The following COL26A1 variants were observed in gnomAD, a reference collection of about 807,000 sequenced individuals.
COL26A1 encodes collagen type XXVI alpha 1 chain.
COL26A1 carries 41 observed loss-of-function variants against 59.3 expected under a neutral mutation model. That is an observed-to-expected ratio of 0.69 (90% confidence interval 0.54 to 0.90). COL26A1 has a LOEUF of 0.90. Among genes scored for constraint, COL26A1 ranks in the 40% least tolerant of loss-of-function variants. The pLI is 0.00. For synonymous variants in COL26A1, 266 were observed against 256.0 expected (o/e 1.04, Z -0.37); for missense variants, 612 against 602.3 (o/e 1.02, Z -0.17).
intron 3 of COL26A1, among the ~76,000 whole-genome samples, chr7:101,487,739 G>C (rs757227152): frequency 6.6e-6 from 1 of 152,120 alleles, no homozygotes; most frequent in African/African-American, 2.4e-5. Context: ...CACCCTGCCC[G>C]TAAGATAAGC....
chr7:101,520,106 C>A (rs1368839017), intron 3 of COL26A1, among the ~76,000 whole-genome samples: 1 of 152,156 alleles, frequency 6.6e-6, no homozygotes, highest in Non-Finnish European at 1.5e-5. Context: ...TATCTTTAGT[C>A]CCAGCTGTTT....
intron 2 of COL26A1, among the ~76,000 whole-genome samples, chr7:101,439,421 G>T (rs183401752): frequency 2.0e-5 from 3 of 152,122 alleles, no homozygotes; most frequent in Non-Finnish European, 4.4e-5. Context: ...AGGAGTGGTG[G>T]TGCGCACCTG....
At chr7:101,485,458 C>T (rs1336864602) in intron 3 of COL26A1, among the ~76,000 whole-genome samples, 1 of 152,192 alleles carries the variant, frequency 6.6e-6, no homozygotes, top group East Asian at 1.9e-4. Context: ...GCTGCAGGGG[C>T]AACCAAGACT....
At chr7:101,431,036 A>G (rs2130317246) in intron 2 of COL26A1, among the ~76,000 whole-genome samples, 1 of 151,878 alleles carries the variant, frequency 6.6e-6, no homozygotes, top group East Asian at 2.0e-4. Flanking sequence ...TCCTGGCCTC[A>G]AGTGATCCAC....
chr7:101,388,926 C>A, intron 1 of COL26A1: 1 of 220,054 alleles, frequency 4.5e-6, no homozygotes, highest in South Asian at 7.6e-5. Context: ...CATTGCCTTT[C>A]TGGAACACAT....
intron 1 of COL26A1, among the ~76,000 whole-genome samples, chr7:101,364,780 T>G (rs1791001951): frequency 6.6e-6 from 1 of 151,998 alleles, no homozygotes; most frequent in Admixed American, 6.6e-5. Flanking sequence ...GTGTTACACA[T>G]GCTGGTCTCA....
intron 1 of COL26A1, among the ~76,000 whole-genome samples, chr7:101,402,768 C>T (rs1223522424): frequency 7.3e-6 from 1 of 136,886 alleles, no homozygotes; most frequent in Non-Finnish European, 1.6e-5. Context: ...CCTCCCTTGC[C>T]CCCTTTCCTT....
chr7:101,453,016 G>T (rs1350519247), intron 3 of COL26A1, among the ~76,000 whole-genome samples: 4 of 152,144 alleles, frequency 2.6e-5, no homozygotes, highest in Non-Finnish European at 5.9e-5. Flanking sequence ...CTCCCAAAGT[G>T]TTGGGATTAC....
chr7:101,421,403 G>A (rs1388683100), intron 2 of COL26A1, among the ~76,000 whole-genome samples: 1 of 152,134 alleles, frequency 6.6e-6, no homozygotes, highest in Admixed American at 6.5e-5. Context: ...GGCTGGGTGC[G>A]GTGGCTCATG....
At chr7:101,391,500 C>G (rs1362996616) in intron 1 of COL26A1, among the ~76,000 whole-genome samples, 1 of 152,160 alleles carries the variant, frequency 6.6e-6, no homozygotes, top group African/African-American at 2.4e-5. Context: ...TTTAGTCCTT[C>G]TAGGTCTTCT....
intron 10 of COL26A1, among the ~76,000 whole-genome samples, 174 bp downstream of exon 10, chr7:101,551,317 G>T (rs1023745897): frequency 6.6e-6 from 1 of 152,168 alleles, no homozygotes; most frequent in African/African-American, 2.4e-5. Flanking sequence ...CTGCTGCGGG[G>T]TGAGGAGGGA....
intron 4 of COL26A1, among the ~76,000 whole-genome samples, chr7:101,536,132 C>T (rs1259802036): frequency 6.6e-6 from 1 of 152,238 alleles, no homozygotes; most frequent in Non-Finnish European, 1.5e-5. Flanking sequence ...TCTCCCGCCT[C>T]AGCCTCCTGA....
intron 10 of COL26A1, among the ~76,000 whole-genome samples, chr7:101,552,746 C>T (rs1795886500): frequency 3.3e-5 from 5 of 151,752 alleles, no homozygotes; most frequent in African/African-American, 1.2e-4. Context: ...GTCTCTACTA[C>T]AAATACAAAA....
intron 3 of COL26A1, among the ~76,000 whole-genome samples, chr7:101,529,612 AC>A (rs1795322868): frequency 6.6e-6 from 1 of 152,048 alleles, no homozygotes; most frequent in Non-Finnish European, 1.5e-5. Flanking sequence ...CAATCCTCAT[AC>A]CCCATCTTTA....
At chr7:101,371,791 C>T (rs1791201235) in intron 1 of COL26A1, among the ~76,000 whole-genome samples, 1 of 152,100 alleles carries the variant, frequency 6.6e-6, no homozygotes. Context: ...GACCCTGTCT[C>T]TGGGGCAGTG....
chr7:101,365,644 A>T (rs1444406702), intron 1 of COL26A1, among the ~76,000 whole-genome samples: 1 of 152,036 alleles, frequency 6.6e-6, no homozygotes, highest in Non-Finnish European at 1.5e-5. Flanking sequence ...GGCTGGTCTC[A>T]AACTCCTGGC....
intron 3 of COL26A1, among the ~76,000 whole-genome samples, chr7:101,494,391 T>C (rs1443298763): frequency 6.6e-6 from 1 of 152,224 alleles, no homozygotes; most frequent in Non-Finnish European, 1.5e-5. Context: ...TCTCCCAGAA[T>C]GCAGGGATTA....
At chr7:101,451,727 C>T (rs7808234) in intron 3 of COL26A1, among the ~76,000 whole-genome samples, 4,788 of 134,014 alleles carry the variant, frequency 0.036, 104 homozygotes, top group Non-Finnish European at 0.054. Flanking sequence ...TTTTTTTTGA[C>T]GGAGTCTCGC....
chr7:101,545,608 C>A, intron 7 of COL26A1, 118 bp downstream of exon 7: 2 of 1,115,304 alleles, frequency 1.8e-6, no homozygotes, highest in Non-Finnish European at 1.2e-6. Context: ...TCCTGCTGCA[C>A]CCAACTGGCT....
Sources: gnomAD v4.1 joint callset for allele counts (sites outside exome capture counted in the v4.1 genomes callset) on GRCh38, gnomAD v4.1.1 for gene constraint, MANE v1.5 for transcripts, NCBI Gene and HGNC (gene_info 2026-07-23, HGNC 2026-07-21) for gene names.